The following GPM6A variants were observed in gnomAD, a reference collection of about 807,000 sequenced individuals.
The protein encoded by GPM6A is neuronal membrane glycoprotein M6-a.
GPM6A carries 7 observed loss-of-function variants against 32.1 expected under a neutral mutation model. The observed-to-expected ratio is 0.22, with a 90% confidence interval of 0.12 to 0.41. GPM6A has a LOEUF of 0.41. GPM6A is among the 10% of genes least tolerant of loss of function. The pLI, the probability that GPM6A is intolerant of heterozygous loss-of-function variation, is 1.00. For missense variants in GPM6A, 235 were observed against 347.2 expected (o/e 0.68, Z 2.57); for synonymous variants, 130 against 123.4 (o/e 1.05, Z -0.35).
chr4:175,790,752 C>T (rs1021503212), intron 1 of GPM6A, among the ~76,000 whole-genome samples: 4 of 152,084 alleles, frequency 2.6e-5, no homozygotes, highest in Non-Finnish European at 4.4e-5. Context: ...AAACCAAGAA[C>T]GGCAAATGCC....
intron 3 of GPM6A, among the ~76,000 whole-genome samples, chr4:175,658,053 A>T (rs2110936569): frequency 6.6e-6 from 1 of 152,340 alleles, no homozygotes; most frequent in East Asian, 1.9e-4. Context: ...CGTTGTCAGC[A>T]TTATAGCCCA....
intron 1 of GPM6A, among the ~76,000 whole-genome samples, chr4:175,906,449 T>C (rs73871268): frequency 0.013 from 2,026 of 152,204 alleles, 46 homozygotes; most frequent in African/African-American, 0.047. Flanking sequence ...ATCAGACAAA[T>C]AGATAAAAAC....
chr4:175,664,915 A>G (rs1742650488), intron 3 of GPM6A, among the ~76,000 whole-genome samples: 1 of 152,232 alleles, frequency 6.6e-6, no homozygotes, highest in Non-Finnish European at 1.5e-5. Context: ...CCTATGCTAC[A>G]TGGTATAGCC....
intron 1 of GPM6A, among the ~76,000 whole-genome samples, chr4:175,855,221 A>G (rs1736381552): frequency 6.6e-6 from 1 of 152,182 alleles, no homozygotes; most frequent in Non-Finnish European, 1.5e-5. Flanking sequence ...GAAAGAAAAT[A>G]ATCTCTCCAA....
chr4:175,745,288 C>T (rs2111175004), intron 1 of GPM6A, among the ~76,000 whole-genome samples: 1 of 152,256 alleles, frequency 6.6e-6, no homozygotes, highest in South Asian at 2.1e-4. Context: ...GAATATTATT[C>T]AGCAGTAGCT....
chr4:175,640,210 C>A lies in GPM6A; in HGVS notation c.619-16G>T, dbSNP rs776758916. Reference sequence around the variant, plus strand: ...TCATGTTCAGCTGCAATGGAAACCACAGAGAATCAAAAGGTGTCAGAGTTA... The same window carrying A: ...TCATGTTCAGCTGCAATGGAAACCAAAGAGAATCAAAAGGTGTCAGAGTTA... On this transcript the variant is annotated splice_polypyrimidine_tract_variant and intron_variant, in intron 5 of 6. Transcript: ENST00000393658. The A allele has an allele frequency of 6.2e-7, 1 of 1,607,352 alleles. No homozygotes were observed. Among genetic ancestry groups the A allele is most frequent in the Non-Finnish European group, 8.5e-7 (1 of 1,173,914 alleles).
intron 1 of GPM6A, among the ~76,000 whole-genome samples, chr4:175,734,407 G>A (rs1464324031): frequency 6.6e-6 from 1 of 152,082 alleles, no homozygotes; most frequent in Admixed American, 6.6e-5. Flanking sequence ...TTTCTGAAGA[G>A]TTCTGCGTGA....
intron 2 of GPM6A, among the ~76,000 whole-genome samples, chr4:175,674,707 T>A (rs917333443): frequency 1.3e-5 from 2 of 152,182 alleles, no homozygotes; most frequent in Non-Finnish European, 2.9e-5. Flanking sequence ...ACACATCATG[T>A]GTATTTGTTA....
At chr4:175,789,351 A>G (rs542843751) in intron 1 of GPM6A, among the ~76,000 whole-genome samples, 13 of 152,322 alleles carry the variant, frequency 8.5e-5, no homozygotes, top group African/African-American at 2.9e-4. Context: ...ACTAATAAGA[A>G]ATAATAAAAT....
chr4:175,925,336 G>A (rs906689113), intron 1 of GPM6A, among the ~76,000 whole-genome samples: 4 of 152,138 alleles, frequency 2.6e-5, no homozygotes, highest in African/African-American at 9.7e-5. Context: ...GTGAACATAC[G>A]AAGAGCTATA....
At chr4:175,801,958 T>C (rs1213624855) in intron 1 of GPM6A, among the ~76,000 whole-genome samples, 1 of 152,092 alleles carries the variant, frequency 6.6e-6, no homozygotes, top group Non-Finnish European at 1.5e-5. Flanking sequence ...CATAAATCAG[T>C]AGCTCCTTTT....
At chr4:175,723,511 A>G (rs2644007) in intron 1 of GPM6A, among the ~76,000 whole-genome samples, 141,991 of 152,212 alleles carry the variant, frequency 0.93, 66,336 homozygotes, top group East Asian at 1. Context: ...AACAGATGCT[A>G]TAATACTAAA....
chr4:175,701,431 G>T, intron 2 of GPM6A, 144 bp downstream of exon 2: 1 of 645,658 alleles, frequency 1.5e-6, no homozygotes, highest in South Asian at 2.0e-5. Flanking sequence ...CATGAATCAT[G>T]ATTACCCTTT....
rs1251009663 is a variant in GPM6A, at chr4:175,634,216, TC to T, written c.*688del. On this transcript the variant is annotated 3_prime_UTR_variant, in exon 7 of 7. Coordinates refer to ENST00000393658, the MANE Select transcript of GPM6A (RefSeq NM_201591.3). ...CATTAGCATTACTGTTTCTACATGCTCACAACATAAACATGAGTAATCTGAG... is the reference window on the plus strand; with the variant it reads ...CATTAGCATTACTGTTTCTACATGCTACAACATAAACATGAGTAATCTGAG... The T allele has an allele frequency of 2.0e-5, 3 of 152,506 alleles. No homozygotes were observed. Among genetic ancestry groups the T allele is most frequent in the Non-Finnish European group, 4.4e-5 (3 of 67,996 alleles). The allele number at this position is 152,506 out of a possible 1,614,324, so 9.4% of individuals were successfully genotyped here.
chr4:175,906,624 C>T (rs1279349511), intron 1 of GPM6A: 1 of 152,154 alleles, frequency 6.6e-6, no homozygotes, highest in Non-Finnish European at 1.5e-5. Context: ...ACAGCAGCCA[C>T]ACTTAGACTC....
chr4:175,843,245 T>C (rs1313004230), intron 1 of GPM6A, among the ~76,000 whole-genome samples: 4 of 152,158 alleles, frequency 2.6e-5, no homozygotes, highest in Admixed American at 2.0e-4. Context: ...AACACTAATT[T>C]CACCTAAAAT....
At chr4:175,925,616 T>C (rs1243015611) in intron 1 of GPM6A, among the ~76,000 whole-genome samples, 1 of 152,160 alleles carries the variant, frequency 6.6e-6, no homozygotes, top group Non-Finnish European at 1.5e-5. Context: ...TTTATGGTGA[T>C]AATGTGAATA....
intron 2 of GPM6A, among the ~76,000 whole-genome samples, chr4:175,684,320 A>G (rs992134957): frequency 2.0e-5 from 3 of 152,154 alleles, no homozygotes; most frequent in Non-Finnish European, 4.4e-5. Flanking sequence ...CAATGTTATC[A>G]GTGTTTATTT....
At chr4:175,682,770 A>T (rs1323477426) in intron 2 of GPM6A, among the ~76,000 whole-genome samples, 1 of 152,240 alleles carries the variant, frequency 6.6e-6, no homozygotes, top group East Asian at 1.9e-4. Context: ...GTAGATACAC[A>T]GAATGCAAGA....
Sources: gnomAD v4.1 joint callset for allele counts (sites outside exome capture counted in the v4.1 genomes callset) on GRCh38, gnomAD v4.1.1 for gene constraint, MANE v1.5 for transcripts, NCBI Gene and HGNC (gene_info 2026-07-23, HGNC 2026-07-21) for gene names.